Variants in GID4 observed in about 807,000 individuals in gnomAD.
The protein encoded by GID4 is GID complex subunit 4 homolog.
In GID4, 7 loss-of-function variants were observed where a neutral mutation model predicts 32.4. The observed-to-expected ratio is 0.22, with a 90% CI of 0.12 to 0.41. The LOEUF is 0.41. Among genes scored for constraint, GID4 ranks in the 10% least tolerant of loss-of-function variants. GID4 has a pLI of 1.00. For synonymous variants in GID4, 166 were observed against 170.0 expected (o/e 0.98, Z 0.18); for missense variants, 309 against 400.0 (o/e 0.77, Z 1.94).
intron 1 of GID4, among the ~76,000 whole-genome samples, chr17:18,044,784 G>T (rs59754425): frequency 6.6e-6 from 1 of 152,198 alleles, no homozygotes; most frequent in South Asian, 2.1e-4. Context: ...ATGACACCAC[G>T]TGTACAGGCA....
Position 18,065,502 on chromosome 17 carries a change from A to G in GID4, c.*259A>G, listed in dbSNP as rs1567590219. On this transcript the variant is annotated 3_prime_UTR_variant, in exon 6 of 6. Coordinates refer to ENST00000268719, the MANE Select transcript of GID4 (RefSeq NM_024052.5). Reference sequence around the variant, plus strand: ...CCTGTTTTTAAGCTACCTTAAACGCACTTTTCCTTCCTGCACAGCTAACTT... The same window carrying G: ...CCTGTTTTTAAGCTACCTTAAACGCGCTTTTCCTTCCTGCACAGCTAACTT... 2 of 491,628 alleles carry G rather than the reference A, an allele frequency of 4.1e-6. No homozygotes were observed. Among genetic ancestry groups the G allele is most frequent in the Non-Finnish European group, 7.5e-6 (2 of 268,334 alleles). The allele number at this position is 491,628 out of a possible 1,614,324, so 30.5% of individuals were successfully genotyped here.
At chr17:18,041,177 A>C (rs1044971307) in intron 1 of GID4, among the ~76,000 whole-genome samples, 2 of 151,636 alleles carry the variant, frequency 1.3e-5, no homozygotes, top group African/African-American at 4.9e-5. Flanking sequence ...TCTGAAAGGC[A>C]CTGTGTGCTG....
Position 18,043,190 on chromosome 17 carries a change from G to A in GID4, c.439-1957G>A, listed in dbSNP as rs57125973. Among the ~76,000 whole-genome samples the A allele has an allele frequency of 3.5e-3, 537 of 152,286 alleles. 2 individuals are homozygous for A. Among genetic ancestry groups the A allele is most frequent in the African/African-American group, 0.012 (506 of 41,570 alleles). ...ATCTTTCTTGAGATGCTCGCCTGCC[G>A]TTTGGTAAAAGCTGTATGCGTTGTG... On this transcript the variant is annotated intron_variant, in intron 1 of 5. Transcript: ENST00000268719.
intron 1 of GID4, among the ~76,000 whole-genome samples, chr17:18,043,157 G>T (rs1222100455): frequency 2.0e-5 from 3 of 152,162 alleles, no homozygotes; most frequent in Non-Finnish European, 1.5e-5. Flanking sequence ...CTAAACACGT[G>T]CCCTGTTATC....
rs760900535 is a variant in GID4 at position 18,061,920 on chromosome 17, T to G, written c.784T>G (p.Phe262Val). 2 of 1,613,826 alleles carry G rather than the reference T, an allele frequency of 1.2e-6. No homozygotes were observed. The highest frequency in any genetic ancestry group is 4.5e-5 in the East Asian group (2 of 44,894). Reference sequence around the variant, plus strand: ...TTTTGCCGGGTTCTACTACATCTGCTTTCAGAAGTCAGCAGCCTCCATAGA... The same window carrying G: ...TTTTGCCGGGTTCTACTACATCTGCGTTCAGAAGTCAGCAGCCTCCATAGA... ...ASFAGFYYIC[F>V]QKSAASIEGY... The change falls in exon 5 of 6, where the codon TTT becomes GTT. Residue 262 changes from phenylalanine (F) to valine (V), a missense_variant. Phe to Val is a conservative substitution (Grantham distance 50, BLOSUM62 -1). Transcript: ENST00000268719. This position sits in a 1 kb window ranked among gnomAD's most constrained non-coding sequence, Gnocchi z 4.4.
intron 2 of GID4, among the ~76,000 whole-genome samples, chr17:18,051,643 C>T (rs935414659): frequency 1.3e-5 from 2 of 151,342 alleles, no homozygotes; most frequent in African/African-American, 4.9e-5. Flanking sequence ...CCACTGCACA[C>T]CAGCCTGGGC....
chr17:18,059,474 C>G (rs1214431280), intron 4 of GID4, among the ~76,000 whole-genome samples: 2 of 152,164 alleles, frequency 1.3e-5, no homozygotes, highest in East Asian at 3.8e-4. Context: ...CCCTCCAGCT[C>G]AGGAAATGAG....
intron 3 of GID4, 152 bp downstream of exon 3, chr17:18,054,386 C>G (rs2044944361): frequency 1.9e-6 from 1 of 525,494 alleles, no homozygotes; most frequent in African/African-American, 1.9e-5. Context: ...GTTGTTCCAT[C>G]TTCCTTATGA....
intron 2 of GID4, among the ~76,000 whole-genome samples, chr17:18,045,769 C>G (rs1315397772): frequency 2.0e-5 from 3 of 151,546 alleles, no homozygotes; most frequent in African/African-American, 7.3e-5. Context: ...TGGCACAGAC[C>G]TGTAGTTCCA....
At position 18,058,889 on chromosome 17, in the gene GID4, C is replaced by G. The variant is rs1374432386; in HGVS notation, c.628C>G (p.Gln210Glu). The G allele has an allele frequency of 6.2e-7, 1 of 1,611,470 alleles. No homozygotes were observed. Residue 210 changes from glutamine to glutamate, a missense_variant, in exon 4 of 6, where the codon CAG (glutamine) becomes GAG (glutamate). Around this residue, in one of 2 missense-constraint regions of GID4, gnomAD observed 116 missense variants for 214.2 expected, o/e 0.54. Coordinates refer to ENST00000268719, the MANE Select transcript of GID4 (RefSeq NM_024052.5). The stretch of plus-strand genomic sequence containing the variant: ...TCAGGGCAAGTTTCTGGCTTTTTAT[C>G]AGTATGCAAAATCATTTAACTCAGA... Reference protein sequence around the residue: ...KHWGKFLAFYQYAKSFNSDDF... With the variant: ...KHWGKFLAFYEYAKSFNSDDF...
chr17:18,062,532 C>CT (rs1449327364), intron 5 of GID4, among the ~76,000 whole-genome samples: 5 of 152,206 alleles, frequency 3.3e-5, no homozygotes, highest in Non-Finnish European at 7.3e-5. Flanking sequence ...CTCCTTGCTG[C>CT]TTTTTAAGCA....
intron 1 of GID4, among the ~76,000 whole-genome samples, chr17:18,044,945 G>A (rs1248465035): frequency 6.6e-6 from 1 of 152,132 alleles, no homozygotes; most frequent in Non-Finnish European, 1.5e-5. Flanking sequence ...AAGTTGAGAG[G>A]GTCTTGGGAT....
chr17:18,060,105 A>T (rs2045005534), intron 4 of GID4, among the ~76,000 whole-genome samples: 1 of 146,622 alleles, frequency 6.8e-6, no homozygotes, highest in Admixed American at 6.8e-5. Context: ...AAAAAAAAAA[A>T]AGAAATGGGG....
intron 1 of GID4, among the ~76,000 whole-genome samples, chr17:18,044,139 G>C (rs1040168131): frequency 6.6e-6 from 1 of 152,104 alleles, no homozygotes; most frequent in Non-Finnish European, 1.5e-5. Context: ...ACCACTAGGG[G>C]ACAAAAAAGC....
chr17:18,053,602 G>A (rs2044936266), intron 2 of GID4, among the ~76,000 whole-genome samples: 1 of 152,034 alleles, frequency 6.6e-6, no homozygotes, highest in African/African-American at 2.4e-5. Flanking sequence ...GGGCGACAGA[G>A]CAAGACTCTG....
chr17:18,043,072 G>A (rs2044818342), intron 1 of GID4, among the ~76,000 whole-genome samples: 1 of 152,168 alleles, frequency 6.6e-6, no homozygotes, highest in Non-Finnish European at 1.5e-5. Context: ...AGCAGTAGAA[G>A]GGAGCCCTGG....
At chr17:18,042,230 T>G (rs1250922550) in intron 1 of GID4, among the ~76,000 whole-genome samples, 1 of 152,242 alleles carries the variant, frequency 6.6e-6, no homozygotes, top group Non-Finnish European at 1.5e-5. Context: ...TTTTAGTATA[T>G]TCACAGTTGT....
chr17:18,064,488 G>A (rs551483504), intron 5 of GID4, among the ~76,000 whole-genome samples: 1 of 152,228 alleles, frequency 6.6e-6, no homozygotes, highest in East Asian at 1.9e-4. Context: ...CCACACTCCT[G>A]TATGAAACAA....
intron 1 of GID4, among the ~76,000 whole-genome samples, chr17:18,040,356 A>C (rs985761228): frequency 6.6e-6 from 1 of 152,074 alleles, no homozygotes. Flanking sequence ...GACCTGAGAC[A>C]TGTCCTCCTG....
Sources: allele counts gnomAD v4.1 joint callset (sites outside exome capture counted in the v4.1 genomes callset), GRCh38; gene constraint gnomAD v4.1.1; regional missense constraint gnomAD v4.1.1; non-coding constraint Gnocchi (gnomAD v3.1); transcripts MANE v1.5; gene names NCBI Gene and HGNC (gene_info 2026-07-23, HGNC 2026-07-21).